The following NPRL3 variants were observed in gnomAD, a reference collection of about 807,000 sequenced individuals.
NPRL3 encodes the protein GATOR1 complex protein NPRL3.
Under a neutral mutation model 57.2 loss-of-function variants are expected in NPRL3, and 23 were observed. The observed-to-expected ratio is 0.40, with a 90% CI of 0.29 to 0.57. The LOEUF is 0.57. Among genes scored for constraint, NPRL3 ranks in the 20% least tolerant of loss-of-function variants. The pLI, the probability that NPRL3 is intolerant of heterozygous loss-of-function variation, is 0.42. For synonymous variants in NPRL3, 333 were observed against 321.1 expected, an observed-to-expected ratio of 1.04 and a Z score of -0.39; for missense variants, 691 against 767.1, an observed-to-expected ratio of 0.90 and a Z score of 1.17.
rs56670370 is a variant in NPRL3 at position 88,387 on chromosome 16, C to CAAAA, written c.1544+307_1544+310dup. On this transcript the variant is annotated intron_variant, in intron 13 of 13. Transcript: ENST00000611875. ...TGGGTGACAGAGCGAGACTCCGTCTCAAAAAAAAAAAAAAAAAAAAAGAAC... is the reference window on the plus strand; with the variant it reads ...TGGGTGACAGAGCGAGACTCCGTCTCAAAAAAAAAAAAAAAAAAAAAAAAAGAAC... Among the ~76,000 whole-genome samples the CAAAA allele has an allele frequency of 4.4e-3, 575 of 130,886 alleles. 8 individuals carry two copies. Among genetic ancestry groups the CAAAA allele is most frequent in the African/African-American group, 0.016 (511 of 31,338 alleles). The allele number at this position is 130,886 out of a possible 152,430, so 85.9% of individuals were successfully genotyped here. A position where few individuals can be genotyped will look rare whatever the true frequency, so the allele number is the denominator to read the frequency against.
intron 12 of NPRL3, chr16:89,269 G>A (rs1249252258): frequency 7.3e-6 from 2 of 275,054 alleles, no homozygotes; most frequent in East Asian, 1.5e-4. Flanking sequence ...GCCAAGGGGG[G>A]ACTTTCAAAG....
At chr16:134,440 A>C (rs1900958550) in intron 2 of NPRL3, among the ~76,000 whole-genome samples, 2 of 152,204 alleles carry the variant, frequency 1.3e-5, no homozygotes, top group Admixed American at 1.3e-4. Context: ...CTAATAAGGG[A>C]GAAAAAAATG....
At chr16:105,678 T>G (rs534741529) in intron 7 of NPRL3, among the ~76,000 whole-genome samples, 89 of 151,582 alleles carry the variant, frequency 5.9e-4, no homozygotes, top group African/African-American at 2.2e-3. Context: ...TCACACTCCA[T>G]GGAATCTACA....
chr16:127,773 G>A (rs1596537063), intron 3 of NPRL3, among the ~76,000 whole-genome samples: 1 of 151,018 alleles, frequency 6.6e-6, no homozygotes, highest in Admixed American at 6.6e-5. Context: ...TCCTGCCTCA[G>A]CCTCCCAAGT....
intron 2 of NPRL3, among the ~76,000 whole-genome samples, chr16:131,978 T>C (rs761232317): frequency 4.6e-5 from 7 of 151,174 alleles, no homozygotes; most frequent in Non-Finnish European, 8.8e-5. Flanking sequence ...CAGGAATACA[T>C]TCCATTTCCA....
At chr16:95,346 T>C (rs369234240) in intron 9 of NPRL3, among the ~76,000 whole-genome samples, 3,548 of 46,096 alleles carry the variant, frequency 0.077, 57 homozygotes, top group Non-Finnish European at 0.12. Flanking sequence ...TATATATATA[T>C]ATATACACAC....
intron 12 of NPRL3, 149 bp from the exon 13 acceptor site, chr16:89,039 C>G: frequency 1.4e-6 from 1 of 718,570 alleles, no homozygotes; most frequent in Non-Finnish European, 2.3e-6. Flanking sequence ...GCTGCTGCCC[C>G]ACCTCCTGGG....
chr16:117,384 G>C lies in NPRL3; in HGVS notation c.319-9C>G. On this transcript the variant is annotated splice_polypyrimidine_tract_variant and intron_variant, in intron 4 of 13. Coordinates refer to ENST00000611875, the MANE Select transcript of NPRL3 (RefSeq NM_001077350.3). ...GGATCTGTTTTGGAGATCTGTAAAA[G>C]ATGCATAATTCTAATTAATTGAGAC... 1 of 1,589,062 alleles carries C rather than the reference G, an allele frequency of 6.3e-7. No homozygotes were observed. Among genetic ancestry groups the C allele is most frequent in the Middle Eastern group, 1.7e-4 (1 of 6,006 alleles).
intron 2 of NPRL3, among the ~76,000 whole-genome samples, chr16:136,532 A>AC (rs1555446186): frequency 4.6e-5 from 3 of 65,250 alleles, no homozygotes. Context: ...TACTAAAAAT[A>AC]AAAAAAAAAA....
intron 2 of NPRL3, among the ~76,000 whole-genome samples, chr16:134,401 G>A (rs1413807767): frequency 1.3e-5 from 2 of 152,190 alleles, no homozygotes; most frequent in East Asian, 3.9e-4. Flanking sequence ...TAAGAAGAGT[G>A]CAAAAGGCCC....
chr16:89,279 G>A, intron 12 of NPRL3: 1 of 270,860 alleles, frequency 3.7e-6, no homozygotes. Flanking sequence ...GACTTTCAAA[G>A]TCTTCCACCC....
intron 3 of NPRL3, among the ~76,000 whole-genome samples, chr16:128,749 C>T (rs914976110): frequency 9.2e-5 from 14 of 151,712 alleles, no homozygotes; most frequent in Non-Finnish European, 2.1e-4. Context: ...GCCTGGGTGA[C>T]AGAGCGAGAC....
chr16:101,139 T>C (rs1158539367), intron 7 of NPRL3, among the ~76,000 whole-genome samples: 1 of 152,030 alleles, frequency 6.6e-6, no homozygotes, highest in Admixed American at 6.5e-5. Flanking sequence ...CCCCTGCCCG[T>C]CCAGACCCCT....
intron 7 of NPRL3, among the ~76,000 whole-genome samples, chr16:109,720 G>A (rs1356486178): frequency 1.3e-5 from 2 of 151,982 alleles, no homozygotes; most frequent in Non-Finnish European, 2.9e-5. Context: ...CTCTTCCCCC[G>A]AGCTTTGCCA....
In NPRL3 at chr16:138,184, G is replaced by A. The variant is rs1404464751; in HGVS notation, c.84C>T (p.Phe28=). Reference sequence around the variant, plus strand: ...ACGCCGGGTGCTCCTGGCTTCTCTGGAAGGGGTACCTGAACAGCAGCTTAT... The same window carrying A: ...ACGCCGGGTGCTCCTGGCTTCTCTGAAAGGGGTACCTGAACAGCAGCTTAT... ...RGNKLLFRYP[F]QRSQEHPASQ... The change falls in exon 2 of 14, where the codon TTC becomes TTT. Residue 28 remains phenylalanine (F), a synonymous_variant. Transcript: ENST00000611875. The A allele has an allele frequency of 6.2e-7, 1 of 1,609,560 alleles. No homozygotes were observed. The highest frequency in any genetic ancestry group is 8.5e-7 in the Non-Finnish European group (1 of 1,178,308).
At chr16:95,785 G>A (rs1898980190) in intron 9 of NPRL3, among the ~76,000 whole-genome samples, 1 of 152,146 alleles carries the variant, frequency 6.6e-6, no homozygotes, top group Non-Finnish European at 1.5e-5. Context: ...GCCTAGGCTG[G>A]TCGTGACCTC....
intron 7 of NPRL3, among the ~76,000 whole-genome samples, chr16:103,589 T>A (rs1175589291): frequency 1.3e-5 from 2 of 152,124 alleles, no homozygotes; most frequent in African/African-American, 2.4e-5. Context: ...ACATGTGCTG[T>A]GGCTCCCAGC....
At chr16:100,838 GC>G (rs1827563799) in intron 7 of NPRL3, among the ~76,000 whole-genome samples, 1 of 150,300 alleles carries the variant, frequency 6.7e-6, no homozygotes, top group South Asian at 2.1e-4. Flanking sequence ...AGGTGTGGTG[GC>G]GGGCGCCTGT....
At chr16:94,295 G>A (rs1422182802) in intron 9 of NPRL3, among the ~76,000 whole-genome samples, 4 of 152,172 alleles carry the variant, frequency 2.6e-5, no homozygotes, top group East Asian at 1.9e-4. Flanking sequence ...AGCACTTCAC[G>A]AAAAGGTGTG....
Sources: allele counts gnomAD v4.1 joint callset (sites outside exome capture counted in the v4.1 genomes callset), GRCh38; gene constraint gnomAD v4.1.1; transcripts MANE v1.5; gene names NCBI Gene and HGNC (gene_info 2026-07-23, HGNC 2026-07-21).